ZBTB20: variants seen among roughly 807,000 people sequenced by gnomAD.
ZBTB20 encodes zinc finger and BTB domain containing 20, also known as zinc finger and BTB domain-containing protein 20.
In ZBTB20, 9 loss-of-function variants were observed where a neutral mutation model predicts 56.9. The observed-to-expected ratio is 0.16, with a 90% confidence interval of 0.10 to 0.28. The LOEUF is 0.28. Ranked by LOEUF, ZBTB20 falls within the 10% of genes least tolerant of loss-of-function variation. ZBTB20 has a pLI of 1.00. For missense variants in ZBTB20, 655 were observed against 1,003.0 expected, an observed-to-expected ratio of 0.65 and a Z score of 4.69; for synonymous variants, 417 against 420.7, an observed-to-expected ratio of 0.99 and a Z score of 0.11.
At chr3:115,068,886 A>AAG (rs2082303825) in intron 2 of ZBTB20, among the ~76,000 whole-genome samples, 1 of 152,090 alleles carries the variant, frequency 6.6e-6, no homozygotes, top group African/African-American at 2.4e-5. Context: ...GTTTGAAAAA[A>AAG]AAAAAAGTTG....
intron 1 of ZBTB20, among the ~76,000 whole-genome samples, chr3:115,077,058 A>G (rs1017778196): frequency 2.0e-5 from 3 of 152,198 alleles, no homozygotes; most frequent in Non-Finnish European, 4.4e-5. Context: ...TGGGCAGTCC[A>G]GTTCCTAACA....
At chr3:114,340,295 C>A (rs1362927457) in intron 11 of ZBTB20, among the ~76,000 whole-genome samples, 1 of 151,814 alleles carries the variant, frequency 6.6e-6, no homozygotes, top group Non-Finnish European at 1.5e-5. Context: ...CATATGAAAT[C>A]ACTTTGCAGA....
chr3:114,731,860 A>C (rs2065785210), intron 5 of ZBTB20, among the ~76,000 whole-genome samples: 1 of 151,836 alleles, frequency 6.6e-6, no homozygotes, highest in Non-Finnish European at 1.5e-5. Context: ...TAGTTTAGTA[A>C]CTAATCCGGC....
intron 6 of ZBTB20, among the ~76,000 whole-genome samples, chr3:114,566,935 G>T (rs74323190): frequency 1.1e-4 from 17 of 152,154 alleles, no homozygotes; most frequent in Admixed American, 4.6e-4. Context: ...GATGTACCTG[G>T]CTGTGATGTG....
intron 2 of ZBTB20, among the ~76,000 whole-genome samples, chr3:115,069,541 C>T (rs1198594680): frequency 2.6e-5 from 4 of 152,044 alleles, no homozygotes; most frequent in African/African-American, 9.7e-5. Flanking sequence ...GGTCTCAGCA[C>T]GTACTGACAT....
chr3:114,457,367 A>G (rs866855545), intron 7 of ZBTB20, among the ~76,000 whole-genome samples: 1 of 152,322 alleles, frequency 6.6e-6, no homozygotes, highest in Middle Eastern at 3.4e-3. Flanking sequence ...TTATGGAGGA[A>G]GGTGTGTAAA....
intron 2 of ZBTB20, among the ~76,000 whole-genome samples, chr3:115,007,586 C>G (rs934339558): frequency 1.3e-5 from 2 of 151,628 alleles, no homozygotes. Flanking sequence ...ATGATTATCT[C>G]CCATCAAATA....
intron 2 of ZBTB20, among the ~76,000 whole-genome samples, chr3:115,018,275 T>G (rs1459424002): frequency 2.0e-5 from 3 of 149,916 alleles, no homozygotes; most frequent in Non-Finnish European, 4.4e-5. Context: ...TTGCTATCCT[T>G]TAAATAAAAA....
intron 7 of ZBTB20, among the ~76,000 whole-genome samples, chr3:114,459,851 A>G (rs1312310687): frequency 5.9e-5 from 9 of 152,108 alleles, no homozygotes. Flanking sequence ...TAAATTCAAA[A>G]TTTAGGTGAA....
At chr3:115,085,951 A>T (rs1014144208) in intron 1 of ZBTB20, among the ~76,000 whole-genome samples, 1 of 151,912 alleles carries the variant, frequency 6.6e-6, no homozygotes, top group Non-Finnish European at 1.5e-5. Flanking sequence ...TCATAAAAAC[A>T]ATTTTTAAAA....
At chr3:114,748,379 TTTCTTTCTTTTGGCTTTGTTGTAGCTTC>T (rs1560202734) in intron 5 of ZBTB20, among the ~76,000 whole-genome samples, 210 of 135,630 alleles carry the variant, frequency 1.5e-3, no homozygotes, top group South Asian at 2.6e-3. Flanking sequence ...TCTCTCTCTC[TTTCTTTCTTTTGGCTTTGTTGTAGCTTC>T]CTCTTTCTCT....
intron 2 of ZBTB20, among the ~76,000 whole-genome samples, chr3:115,035,322 T>C (rs576946999): frequency 1.3e-5 from 2 of 152,122 alleles, no homozygotes; most frequent in South Asian, 4.2e-4. Context: ...TCATATTGGA[T>C]AAGGGGTTAA....
intron 6 of ZBTB20, among the ~76,000 whole-genome samples, chr3:114,580,367 T>C (rs925328135): frequency 2.6e-5 from 4 of 151,736 alleles, no homozygotes; most frequent in Admixed American, 6.6e-5. Flanking sequence ...ACTTCCTTAA[T>C]ACAATAATTT....
At chr3:114,683,670 A>C (rs1437349976) in intron 6 of ZBTB20, among the ~76,000 whole-genome samples, 1 of 151,964 alleles carries the variant, frequency 6.6e-6, no homozygotes, top group African/African-American at 2.4e-5. Flanking sequence ...TTTAGTTGAG[A>C]GTTTCCCCAG....
chr3:114,496,587 T>C (rs993864579), intron 7 of ZBTB20, among the ~76,000 whole-genome samples: 1 of 152,120 alleles, frequency 6.6e-6, no homozygotes, highest in Non-Finnish European at 1.5e-5. Flanking sequence ...AAAGAGAACA[T>C]AGTACATGAA....
rs184967403 is a variant in ZBTB20, at chr3:114,571,476, C to A, written c.-294-71085G>T. On this transcript the variant is annotated intron_variant, in intron 6 of 11. Transcript: ENST00000675478. ...ACTCAGGTTTTCCCAATTGACTCTG[C>A]CTTCCCTATTCTTTTTTTCTGCCTT... Among the ~76,000 whole-genome samples, 25 of 152,260 alleles carry A rather than the reference C, an allele frequency of 1.6e-4. No individual in the cohort carries two copies. The East Asian group carries it at 3.7e-3, about 22-fold the overall frequency.
intron 6 of ZBTB20, among the ~76,000 whole-genome samples, chr3:114,632,801 G>C (rs559999234): frequency 6.6e-6 from 1 of 152,288 alleles, no homozygotes; most frequent in Non-Finnish European, 1.5e-5. Context: ...TAAGACTTAA[G>C]AATCACCTGA....
At position 114,335,913 on chromosome 3, in the gene ZBTB20, A is replaced by T. The variant is rs987836926; in HGVS notation, c.*3092T>A. 6.6e-6 allele frequency: 1 copy of T among 152,186 alleles called. No individual in the cohort carries two copies. The highest frequency in any genetic ancestry group is 1.5e-5 in the Non-Finnish European group (1 of 68,016). The allele number at this position is 152,186 out of a possible 1,614,324, so 9.4% of individuals were successfully genotyped here. ...TTTTCTCTACATGTTCTACCAAAAG[A>T]AAAGGTGGATTCTAACCCAATTGCT... On this transcript the variant is annotated 3_prime_UTR_variant, in exon 12 of 12. Coordinates refer to ENST00000675478, the MANE Select transcript of ZBTB20 (RefSeq NM_001348800.3).
chr3:115,014,617 G>C (rs534023063), intron 2 of ZBTB20, among the ~76,000 whole-genome samples: 1 of 151,424 alleles, frequency 6.6e-6, no homozygotes. Context: ...TTTTTTCTGT[G>C]AATTATACAA....
Sources: allele counts gnomAD v4.1 joint callset (sites outside exome capture counted in the v4.1 genomes callset), GRCh38; gene constraint gnomAD v4.1.1; transcripts MANE v1.5; gene names NCBI Gene and HGNC (gene_info 2026-07-23, HGNC 2026-07-21).